The following CIT variants were observed in gnomAD, a reference collection of about 807,000 sequenced individuals.
CIT encodes the protein citron rho-interacting serine/threonine kinase.
CIT carries 79 observed loss-of-function variants against 272.7 expected under a neutral mutation model. The observed-to-expected ratio is 0.29, with a 90% CI of 0.24 to 0.35. The LOEUF (loss-of-function observed/expected upper bound fraction) is 0.35. CIT is among the 10% of genes least tolerant of loss of function. The pLI is 1.00. For missense variants in CIT, 1,909 were observed against 2,618.3 expected (o/e 0.73, Z 5.91); for synonymous variants, 948 against 995.6 (o/e 0.95, Z 0.90).
At position 119,764,436 on chromosome 12, in the gene CIT, C is replaced by T. The variant is rs151077003; in HGVS notation, c.2304+2651G>A. The stretch of plus-strand genomic sequence containing the variant: ...GTCTAGAAGTAAAAAATATAACAAC[C>T]GAAATTAAAACTCAACAGAAAATTT... On this transcript the variant is annotated intron_variant, in intron 19 of 47. Transcript: ENST00000392521. 3.2e-3 allele frequency among the ~76,000 whole-genome samples: 487 copies of T among 151,664 alleles called. 3 individuals carry two copies. Among genetic ancestry groups the T allele is most frequent in the African/African-American group, 0.011 (459 of 41,458 alleles).
chr12:119,705,635 T>C (rs947652436), intron 40 of CIT, among the ~76,000 whole-genome samples: 1 of 151,822 alleles, frequency 6.6e-6, no homozygotes, highest in South Asian at 2.1e-4. Flanking sequence ...TAGCTGGGCA[T>C]GGTGGGCATG....
rs1957108108 is a variant in CIT at position 119,710,442 on chromosome 12, A to G, written c.4936-56T>C. The stretch of plus-strand genomic sequence containing the variant: ...TAAGCACGGTCACGTCACCAGAACA[A>G]TCTCTAGTAAGAGCAACAAGGCCTC... On this transcript the variant is annotated intron_variant, in intron 38 of 47. Transcript: ENST00000392521. This position sits in a 1 kb window ranked among gnomAD's most constrained non-coding sequence, Gnocchi z 5.6. 20 of 1,613,020 alleles carry G rather than the reference A, an allele frequency of 1.2e-5. No individual in the cohort carries two copies. Among genetic ancestry groups the G allele is most frequent in the Non-Finnish European group, 1.6e-5 (19 of 1,179,346 alleles).
chr12:119,710,910 G>C lies in CIT; in HGVS notation c.4855-290C>G, dbSNP rs1055436125. On this transcript the variant is annotated intron_variant, in intron 37 of 47. Transcript: ENST00000392521. The surrounding 1 kb of genome is among the most constrained non-coding windows in gnomAD (Gnocchi z 5.6). ...GACATGGAAAGCTATTCTGTAATAAGAAATAAGCTGAAGCTAAGGAGATTT... is the reference window on the plus strand; with the variant it reads ...GACATGGAAAGCTATTCTGTAATAACAAATAAGCTGAAGCTAAGGAGATTT... The C allele has an allele frequency of 2.4e-5, 16 of 673,356 alleles. No homozygotes were observed. Among genetic ancestry groups the C allele is most frequent in the African/African-American group, 2.2e-4 (12 of 54,454 alleles). The allele number at this position is 673,356 out of a possible 1,614,324, so 41.7% of individuals were successfully genotyped here.
chr12:119,842,671 T>C (rs1436960138), intron 5 of CIT, among the ~76,000 whole-genome samples: 3 of 152,276 alleles, frequency 2.0e-5, no homozygotes, highest in African/African-American at 7.2e-5. Flanking sequence ...CTTATTGTGG[T>C]ATGTCACCAC....
intron 40 of CIT, 38 bp from the exon 41 acceptor site, chr12:119,704,493 G>T: frequency 6.3e-7 from 1 of 1,576,728 alleles, no homozygotes; most frequent in Non-Finnish European, 8.7e-7. Context: ...ACTGTCACCA[G>T]TGTGATACCG....
intron 8 of CIT, among the ~76,000 whole-genome samples, chr12:119,823,962 C>T (rs1393761670): frequency 6.8e-6 from 1 of 146,634 alleles, no homozygotes; most frequent in Non-Finnish European, 1.5e-5. Flanking sequence ...ATCGCTTGAA[C>T]CCAGGAGGCA....
intron 21 of CIT, 44 bp from the exon 22 acceptor site, chr12:119,757,589 T>A: frequency 6.2e-7 from 1 of 1,611,704 alleles, no homozygotes; most frequent in Non-Finnish European, 8.5e-7. Flanking sequence ...CACAGTCTCA[T>A]TAGGGTTGAG....
intron 12 of CIT, 194 bp downstream of exon 12, chr12:119,783,714 C>T: frequency 1.7e-6 from 1 of 572,464 alleles, no homozygotes; most frequent in Non-Finnish European, 2.9e-6. Flanking sequence ...GAAATGAGTC[C>T]AATCTCATTT....
At chr12:119,834,261 C>A in intron 5 of CIT, 33 bp from the exon 6 acceptor site, 1 of 1,553,734 alleles carries the variant, frequency 6.4e-7, no homozygotes, top group Non-Finnish European at 8.7e-7. Flanking sequence ...TAATTCTTCA[C>A]ACACCCAAAA....
chr12:119,805,345 T>A (rs1471828471), intron 9 of CIT, among the ~76,000 whole-genome samples: 1 of 152,258 alleles, frequency 6.6e-6, no homozygotes, highest in East Asian at 1.9e-4. Context: ...TCTATTTCAA[T>A]GGACTATTAG....
intron 28 of CIT, among the ~76,000 whole-genome samples, chr12:119,725,281 C>A (rs1006795347): frequency 6.6e-6 from 1 of 151,830 alleles, no homozygotes; most frequent in Non-Finnish European, 1.5e-5. Context: ...AAAAATTTAG[C>A]CGGGAGTGCT....
chr12:119,873,499 C>G (rs998614912), intron 2 of CIT, among the ~76,000 whole-genome samples: 2 of 151,428 alleles, frequency 1.3e-5, no homozygotes, highest in African/African-American at 4.9e-5. Context: ...GGGCTGCTCT[C>G]GAACTCCTGA....
chr12:119,789,270 C>T (rs1965090819), intron 10 of CIT, among the ~76,000 whole-genome samples: 2 of 152,206 alleles, frequency 1.3e-5, no homozygotes, highest in Admixed American at 1.3e-4. Context: ...GGTCTAGCCA[C>T]TTAAAACTCA....
chr12:119,699,550 G>A (rs976672857), intron 44 of CIT, among the ~76,000 whole-genome samples: 4 of 152,220 alleles, frequency 2.6e-5, no homozygotes, highest in South Asian at 2.1e-4. Flanking sequence ...CCAGTAGAGC[G>A]TGGTGGAAGT....
chr12:119,756,034 G>C (rs79380463), intron 22 of CIT, among the ~76,000 whole-genome samples: 1 of 152,130 alleles, frequency 6.6e-6, no homozygotes, highest in African/African-American at 2.4e-5. Flanking sequence ...AAATTGACAC[G>C]CTCCCCACAG....
intron 9 of CIT, among the ~76,000 whole-genome samples, chr12:119,820,106 C>T (rs1967556911): frequency 6.6e-6 from 1 of 152,174 alleles, no homozygotes; most frequent in South Asian, 2.1e-4. Flanking sequence ...AATATGGTAC[C>T]ACGGATTGAT....
chr12:119,704,450 C>A lies in CIT; in HGVS notation c.5217G>T (p.Glu1739Asp). 1 of 1,613,890 alleles carries A rather than the reference C, an allele frequency of 6.2e-7. No homozygotes were observed. Among genetic ancestry groups the A allele is most frequent in the Non-Finnish European group, 8.5e-7 (1 of 1,179,842 alleles). Reference sequence around the variant, plus strand: ...TGGCTGCACAGATGCAGAGCCCGTTCTCAATCTGAAAAGCAACCAAGAAAA... The same window carrying A: ...TGGCTGCACAGATGCAGAGCCCGTTATCAATCTGAAAAGCAACCAAGAAAA... ...GCHLFGAGKI[E>D]NGLCICAAMP... The change falls in exon 41 of 48, where the codon GAG becomes GAT. Residue 1739 changes from glutamate (E) to aspartate (D), a missense_variant. Glu to Asp is a conservative substitution (Grantham distance 45). Transcript: ENST00000392521.
intron 13 of CIT, among the ~76,000 whole-genome samples, chr12:119,778,859 T>G (rs1964036796): frequency 1.3e-5 from 2 of 152,222 alleles, no homozygotes; most frequent in Admixed American, 1.3e-4. Context: ...TCCTGGGTCA[T>G]GCATACTAAG....
At chr12:119,841,874 C>T (rs1050922913) in intron 5 of CIT, among the ~76,000 whole-genome samples, 2 of 152,152 alleles carry the variant, frequency 1.3e-5, no homozygotes, top group Non-Finnish European at 2.9e-5. Flanking sequence ...GCTGCTCTAC[C>T]AGCCTGGGTT....
Sources: gnomAD v4.1 joint callset for allele counts (sites outside exome capture counted in the v4.1 genomes callset) on GRCh38, gnomAD v4.1.1 for gene constraint, Gnocchi (gnomAD v3.1) non-coding constraint, MANE v1.5 for transcripts, NCBI Gene and HGNC (gene_info 2026-07-23, HGNC 2026-07-21) for gene names.